The following LINGO2 variants were observed in gnomAD, a reference collection of about 807,000 sequenced individuals.
LINGO2 encodes the protein leucine-rich repeat and immunoglobulin-like domain-containing nogo receptor-interacting protein 2.
A neutral mutation model predicts 30.6 loss-of-function variants in LINGO2; 14 were observed. The observed-to-expected ratio is 0.46, with a 90% CI of 0.30 to 0.72. LINGO2 has a LOEUF of 0.72. LINGO2 is among the 30% of genes least tolerant of loss of function. The pLI, the probability that LINGO2 is intolerant of heterozygous loss-of-function variation, is 0.07. For missense variants in LINGO2, 729 were observed against 751.7 expected, an observed-to-expected ratio of 0.97 and a Z score of 0.35; for synonymous variants, 317 against 288.5, an observed-to-expected ratio of 1.10 and a Z score of -1.00.
At chr9:29,100,979 A>T in the LINGO2 span, among the ~76,000 whole-genome samples, 1 of 152,214 alleles carries the variant, frequency 6.6e-6, no homozygotes, top group African/African-American at 2.4e-5. Context: ...AGGTGGTAGC[A>T]GTAGGAATGG....
chr9:28,591,545 G>A (rs1824910124), intron 1 of LINGO2, among the ~76,000 whole-genome samples: 1 of 151,918 alleles, frequency 6.6e-6, no homozygotes. Flanking sequence ...TTAATAACTT[G>A]TTTTCCCAAA....
At chr9:28,928,557 C>A in the LINGO2 span, among the ~76,000 whole-genome samples, 2 of 151,990 alleles carry the variant, frequency 1.3e-5, no homozygotes, top group Non-Finnish European at 2.9e-5. Flanking sequence ...CACTGAGGTT[C>A]CACTCAGGCA....
chr9:29,049,146 A>T, the LINGO2 span, among the ~76,000 whole-genome samples: 1 of 152,240 alleles, frequency 6.6e-6, no homozygotes, highest in African/African-American at 2.4e-5. Context: ...CCAATAAAAA[A>T]TAGGCAACAG....
intron 2 of LINGO2, among the ~76,000 whole-genome samples, chr9:28,470,566 T>A (rs1397049226): frequency 6.6e-6 from 1 of 152,164 alleles, no homozygotes; most frequent in African/African-American, 2.4e-5. Context: ...TCATGCCTGT[T>A]GCCCATGTGC....
intron 4 of LINGO2, among the ~76,000 whole-genome samples, chr9:28,072,848 C>T (rs1190757257): frequency 6.6e-6 from 1 of 152,006 alleles, no homozygotes; most frequent in Admixed American, 6.6e-5. Context: ...GAATGGACAA[C>T]GTAGCGGTAC....
chr9:28,894,150 A>G, the LINGO2 span, among the ~76,000 whole-genome samples: 1 of 152,062 alleles, frequency 6.6e-6, no homozygotes, highest in Admixed American at 6.6e-5. Context: ...CCAGTCTATC[A>G]TTGTTGGACA....
the LINGO2 span, among the ~76,000 whole-genome samples, chr9:29,099,697 G>T: frequency 6.6e-6 from 1 of 152,206 alleles, no homozygotes; most frequent in South Asian, 2.1e-4. Flanking sequence ...ATTTCACCCA[G>T]TTAATATGGT....
intron 1 of LINGO2, among the ~76,000 whole-genome samples, chr9:28,616,670 G>GA (rs1563866657): frequency 6.6e-6 from 1 of 152,226 alleles, no homozygotes; most frequent in South Asian, 2.1e-4. Context: ...GACAGAACTG[G>GA]AAAAAAATGC....
chr9:28,611,063 G>A (rs1481466370), intron 1 of LINGO2, among the ~76,000 whole-genome samples: 2 of 152,124 alleles, frequency 1.3e-5, no homozygotes, highest in Non-Finnish European at 2.9e-5. Context: ...AGAGCTTCCT[G>A]ACATAACAGT....
At chr9:28,180,830 G>GAC (rs141849308) in intron 4 of LINGO2, among the ~76,000 whole-genome samples, 26 of 150,804 alleles carry the variant, frequency 1.7e-4, no homozygotes, top group African/African-American at 3.4e-4. Context: ...TTCACACATA[G>GAC]ACACACACAC....
chr9:29,055,715 C>T, the LINGO2 span, among the ~76,000 whole-genome samples: 5 of 152,016 alleles, frequency 3.3e-5, no homozygotes. Context: ...CATCACCTCC[C>T]TCCCACCCTT....
At chr9:28,668,184 C>T (rs981992553) in intron 1 of LINGO2, among the ~76,000 whole-genome samples, 8 of 151,830 alleles carry the variant, frequency 5.3e-5, no homozygotes, top group Non-Finnish European at 1.2e-4. Flanking sequence ...AAATAATAGG[C>T]AAATAATTCA....
the LINGO2 span, among the ~76,000 whole-genome samples, chr9:28,837,992 A>G: frequency 6.6e-6 from 1 of 152,112 alleles, no homozygotes; most frequent in Admixed American, 6.5e-5. Flanking sequence ...TTCCCTTCAA[A>G]GAAAGGAAGT....
At chr9:28,247,220 T>C (rs1160915945) in intron 4 of LINGO2, among the ~76,000 whole-genome samples, 6 of 152,164 alleles carry the variant, frequency 3.9e-5, no homozygotes. Context: ...GAACCAGAAA[T>C]GCCATTGGAT....
chr9:28,702,651 G>C, the LINGO2 span, among the ~76,000 whole-genome samples: 906 of 151,964 alleles, frequency 6.0e-3, 9 homozygotes, highest in Admixed American at 9.3e-3. Context: ...TGTTGTCATA[G>C]AATGAGTTAG....
chr9:28,283,467 C>CA (rs1249118844), intron 4 of LINGO2, among the ~76,000 whole-genome samples: 2 of 151,980 alleles, frequency 1.3e-5, no homozygotes, highest in South Asian at 4.1e-4. Context: ...ACACACAGAA[C>CA]AAAAAGTAAA....
At chr9:28,309,312 C>G (rs986098307) in intron 3 of LINGO2, among the ~76,000 whole-genome samples, 1 of 152,002 alleles carries the variant, frequency 6.6e-6, no homozygotes, top group African/African-American at 2.4e-5. Context: ...AATCCTCATT[C>G]TCAGTAAACT....
chr9:28,738,763 G>C, the LINGO2 span, among the ~76,000 whole-genome samples: 1 of 152,006 alleles, frequency 6.6e-6, no homozygotes, highest in Non-Finnish European at 1.5e-5. Context: ...CTTTTAATAT[G>C]ATGTCCCACA....
chr9:28,725,313 T>C, the LINGO2 span, among the ~76,000 whole-genome samples: 7 of 151,674 alleles, frequency 4.6e-5, no homozygotes, highest in Admixed American at 4.6e-4. Context: ...ATATTAGAAA[T>C]AAAATATGTA....
Sources: allele counts gnomAD v4.1 joint callset (sites outside exome capture counted in the v4.1 genomes callset), GRCh38; gene constraint gnomAD v4.1.1; transcripts MANE v1.5; gene names NCBI Gene and HGNC (gene_info 2026-07-23, HGNC 2026-07-21).